The following NRG3 variants were observed in gnomAD, a reference collection of about 807,000 sequenced individuals.
The protein encoded by NRG3 is neuregulin 3, also known as pro-neuregulin-3, membrane-bound isoform.
Under a neutral mutation model 66.9 loss-of-function variants are expected in NRG3, and 31 were observed. That is an observed-to-expected ratio of 0.46 (90% CI 0.35 to 0.63). NRG3 has a LOEUF of 0.63. Among genes scored for constraint, NRG3 ranks in the 20% least tolerant of loss-of-function variants. The pLI is 0.00. For missense variants in NRG3, 910 were observed against 878.9 expected (o/e 1.04, Z -0.45); for synonymous variants, 393 against 359.4 (o/e 1.09, Z -1.06).
chr10:82,265,914 C>T (rs1295412929), intron 1 of NRG3, among the ~76,000 whole-genome samples: 1 of 152,104 alleles, frequency 6.6e-6, no homozygotes, highest in Non-Finnish European at 1.5e-5. Context: ...AACTCCAAGA[C>T]TTGTGGCATG....
intron 2 of NRG3, among the ~76,000 whole-genome samples, chr10:82,487,501 G>A (rs1229343583): frequency 6.6e-6 from 1 of 152,146 alleles, no homozygotes; most frequent in Non-Finnish European, 1.5e-5. Context: ...TTAAAAAATA[G>A]TGTTATAATG....
At chr10:82,599,672 G>A (rs2047499670) in intron 2 of NRG3, among the ~76,000 whole-genome samples, 1 of 151,892 alleles carries the variant, frequency 6.6e-6, no homozygotes, top group South Asian at 2.1e-4. Context: ...AAAATAGTCG[G>A]GCGTGGTGGT....
chr10:82,433,986 A>C (rs1235161272), intron 2 of NRG3, among the ~76,000 whole-genome samples: 1 of 152,198 alleles, frequency 6.6e-6, no homozygotes, highest in Non-Finnish European at 1.5e-5. Context: ...TTCTGTGAAG[A>C]ATGTCAATGG....
intron 1 of NRG3, among the ~76,000 whole-genome samples, chr10:82,117,408 A>C (rs2067797646): frequency 6.6e-6 from 1 of 152,088 alleles, no homozygotes; most frequent in Admixed American, 6.6e-5. Flanking sequence ...CACATCACTC[A>C]CTCACTTCCA....
intron 2 of NRG3, among the ~76,000 whole-genome samples, chr10:82,398,480 T>G (rs1438332823): frequency 6.6e-6 from 1 of 150,526 alleles, no homozygotes; most frequent in African/African-American, 2.5e-5. Context: ...CTAGTCATCT[T>G]GGCTTCGTGT....
chr10:82,146,272 A>C (rs1261967573), intron 1 of NRG3, among the ~76,000 whole-genome samples: 1 of 152,172 alleles, frequency 6.6e-6, no homozygotes, highest in Non-Finnish European at 1.5e-5. Context: ...TTTATAGAGA[A>C]TTGCACATTT....
chr10:82,534,198 T>C (rs1218309542), intron 2 of NRG3, among the ~76,000 whole-genome samples: 3 of 150,976 alleles, frequency 2.0e-5, no homozygotes, highest in East Asian at 1.9e-4. Flanking sequence ...CAAAGCAATC[T>C]ACAAATTCAA....
At chr10:81,978,056 T>C (rs2060191897) in intron 1 of NRG3, among the ~76,000 whole-genome samples, 2 of 152,222 alleles carry the variant, frequency 1.3e-5, no homozygotes, top group African/African-American at 4.8e-5. Context: ...TCCTTCTAGC[T>C]ATTTGAAGCT....
At chr10:82,672,430 G>A (rs1049308934) in intron 2 of NRG3, among the ~76,000 whole-genome samples, 7 of 152,124 alleles carry the variant, frequency 4.6e-5, no homozygotes, top group African/African-American at 1.7e-4. Flanking sequence ...CAGATTTATG[G>A]TAAAACAAAC....
intron 4 of NRG3, among the ~76,000 whole-genome samples, chr10:82,914,871 G>A (rs1040956224): frequency 2.6e-5 from 4 of 151,980 alleles, no homozygotes; most frequent in South Asian, 2.1e-4. Flanking sequence ...TCTCATGGTG[G>A]TTAGGTTCTG....
rs1351097784 is a variant in NRG3 at position 82,377,433 on chromosome 10, C to CGTGT, written c.953+18566_953+18567insTGTG. On this transcript the variant is annotated intron_variant, in intron 2 of 8. Transcript: ENST00000372141. ...AGAGAGAGGTGTATGTGTGTGTGTG[C>CGTGT]GCGTGTGTGTGTGTGTGTGTGTGTG... 1.6e-3 allele frequency among the ~76,000 whole-genome samples: 196 copies of CGTGT among 121,968 alleles called. 1 individual carries two copies. Among genetic ancestry groups the CGTGT allele is most frequent in the African/African-American group, 4.9e-3 (155 of 31,526 alleles). 80.0% of individuals were successfully genotyped at this position (121,968 alleles called of 152,430 possible).
rs10603040 is a variant in NRG3, at chr10:82,711,535, TTGTGTGTGTG to T, written c.954-27017_954-27008del. ...AATATATCTGGATTTATCTGTGTGT[TTGTGTGTGTG>T]TGTGTGTGTGTGTGTGTGTGTGTGA... On this transcript the variant is annotated intron_variant, in intron 2 of 8. Transcript: ENST00000372141. Among the ~76,000 whole-genome samples, 209 of 148,386 alleles carry T rather than the reference TTGTGTGTGTG, an allele frequency of 1.4e-3. 2 individuals are homozygous for T. The East Asian group carries it at 0.019, about 13-fold the overall frequency.
At chr10:82,370,698 C>A (rs760579105) in intron 2 of NRG3, among the ~76,000 whole-genome samples, 1 of 152,050 alleles carries the variant, frequency 6.6e-6, no homozygotes, top group African/African-American at 2.4e-5. Context: ...TGTCAGTGCA[C>A]GTTAACATCC....
intron 2 of NRG3, among the ~76,000 whole-genome samples, chr10:82,612,162 T>C (rs1440378537): frequency 6.6e-6 from 1 of 152,212 alleles, no homozygotes; most frequent in African/African-American, 2.4e-5. Flanking sequence ...TTCTGGATAT[T>C]AGCCCTTTGA....
chr10:82,298,183 A>T (rs957124339), intron 1 of NRG3, among the ~76,000 whole-genome samples: 1 of 141,728 alleles, frequency 7.1e-6, no homozygotes, highest in South Asian at 2.6e-4. Flanking sequence ...AGAAAGAGAG[A>T]GATAATGACA....
chr10:82,162,189 C>T (rs1028633775), intron 1 of NRG3, among the ~76,000 whole-genome samples: 4 of 152,058 alleles, frequency 2.6e-5, no homozygotes, highest in Non-Finnish European at 5.9e-5. Context: ...TTAAATTTAG[C>T]TCAAGTGAAC....
chr10:82,233,237 C>T (rs2076579216), intron 1 of NRG3, among the ~76,000 whole-genome samples: 1 of 152,160 alleles, frequency 6.6e-6, no homozygotes, highest in Non-Finnish European at 1.5e-5. Flanking sequence ...TGGTGGTAGG[C>T]ACCTGTAGTC....
intron 2 of NRG3, among the ~76,000 whole-genome samples, chr10:82,546,414 G>T (rs1044679802): frequency 6.6e-6 from 1 of 151,992 alleles, no homozygotes; most frequent in Non-Finnish European, 1.5e-5. Context: ...AAAACAACAT[G>T]GAGCTGGCAT....
At chr10:82,740,217 T>G (rs1409582840) in intron 3 of NRG3, among the ~76,000 whole-genome samples, 1 of 151,172 alleles carries the variant, frequency 6.6e-6, no homozygotes, top group African/African-American at 2.4e-5. Context: ...TCCTTTCTTC[T>G]TTCTTTCCTT....
Sources: allele counts gnomAD v4.1 joint callset (sites outside exome capture counted in the v4.1 genomes callset), GRCh38; gene constraint gnomAD v4.1.1; transcripts MANE v1.5; gene names NCBI Gene and HGNC (gene_info 2026-07-23, HGNC 2026-07-21).